Variants in LIN7B observed in about 807,000 individuals in gnomAD.
LIN7B encodes the protein lin-7 cell polarity scaffold B, also known as protein lin-7 homolog B.
A neutral mutation model predicts 27.9 loss-of-function variants in LIN7B; 16 were observed. The ratio of observed to expected loss-of-function variants is 0.57; its 90% confidence interval spans 0.39 to 0.87. LIN7B has a LOEUF of 0.87. Among genes scored for constraint, LIN7B ranks in the 40% least tolerant of loss-of-function variants. The probability of loss-of-function intolerance (pLI) is 0.00; values close to 1 mark genes in which losing one functional copy is unlikely to be tolerated. For missense variants in LIN7B, 291 were observed against 288.5 expected, an observed-to-expected ratio of 1.01 and a Z score of -0.06; for synonymous variants, 147 against 120.8, an observed-to-expected ratio of 1.22 and a Z score of -1.42.
chr19:49,114,974 G>T lies in LIN7B; in HGVS notation c.156+7G>T, dbSNP rs768298856. ...CTGCTCCGCTATCCGAGAGGTGAGG[G>T]GCGCGCGGCGCAGGGGCGCGAGCTG... On this transcript the variant is annotated splice_region_variant and intron_variant, in intron 2 of 5. Coordinates refer to ENST00000221459, the MANE Select transcript of LIN7B (RefSeq NM_022165.3). 2.8e-6 allele frequency: 4 copies of T among 1,411,396 alleles called. No homozygotes were observed. Among genetic ancestry groups the T allele is most frequent in the Non-Finnish European group, 3.7e-6 (4 of 1,080,206 alleles). 87.4% of individuals were successfully genotyped at this position (1,411,396 alleles called of 1,614,324 possible).
chr19:49,114,718 G>T (rs934830776), intron 1 of LIN7B, 131 bp from the exon 2 acceptor site: 2 of 515,910 alleles, frequency 3.9e-6, no homozygotes, highest in Non-Finnish European at 6.4e-6. Context: ...TGGACTCTGC[G>T]GGGTGTCCGA....
rs576674496 is a variant in LIN7B at position 49,118,180 on chromosome 19, C to A, written c.602+162C>A. The A allele has an allele frequency of 5.1e-6, 7 of 1,359,576 alleles. No individual in the cohort carries two copies. The East Asian group carries it at 1.6e-4, about 31-fold the overall frequency. 84.2% of individuals were successfully genotyped at this position (1,359,576 alleles called of 1,614,324 possible). On this transcript the variant is annotated intron_variant, in intron 5 of 5. Coordinates refer to ENST00000221459, the MANE Select transcript of LIN7B (RefSeq NM_022165.3). ...AGGCTCTCACCCCAGGCTAGTTTGG[C>A]CAAATCCCCTGGGGAGCCCTTAGCT...
intron 4 of LIN7B, 56 bp downstream of exon 4, chr19:49,116,528 C>T (rs1048162823): frequency 3.0e-5 from 45 of 1,490,028 alleles, no homozygotes; most frequent in Non-Finnish European, 3.9e-5. Flanking sequence ...CGTAGCATAG[C>T]CCCTGCTTTT....
At position 49,116,423 on chromosome 19, in the gene LIN7B, G is replaced by A. The variant is rs756735641; in HGVS notation, c.389G>A (p.Arg130His). Residue 130 changes from arginine to histidine, a missense_variant, in exon 4 of 6, where the codon CGC becomes CAC. Physicochemically the swap from Arg to His is conservative, Grantham distance 29. Coordinates refer to ENST00000221459, the MANE Select transcript of LIN7B (RefSeq NM_022165.3). ...SRVIPGGVAD[R>H]HGGLKRGDQL... ...GTCATCCCAGGGGGTGTGGCTGACC[G>A]CCATGGAGGCCTCAAGCGTGGGGAT... 43 of 1,614,120 alleles carry A rather than the reference G, an allele frequency of 2.7e-5. No homozygotes were observed. In the East Asian group the frequency reaches 6.7e-4, roughly 25 times the overall value.
In LIN7B at chr19:49,117,939, C is replaced by G; in HGVS notation, c.523C>G (p.Pro175Ala). 1 of 1,614,110 alleles carries G rather than the reference C, an allele frequency of 6.2e-7. No homozygotes were observed. Among genetic ancestry groups the G allele is most frequent in the Non-Finnish European group, 8.5e-7 (1 of 1,179,980 alleles). Residue 175 changes from proline (P) to alanine (A), a missense_variant, in exon 5 of 6, where the codon CCG becomes GCG. By Grantham distance (27) the Pro-to-Ala change is conservative. Coordinates refer to ENST00000221459, the MANE Select transcript of LIN7B (RefSeq NM_022165.3). ...GGTGAAGCTGGTTGTCCGTTACACA[C>G]CGCGAGTGCTGGAGGAGATGGAGGC... ...GSVKLVVRYT[P>A]RVLEEMEARF...
chr19:49,116,027 A>G, intron 3 of LIN7B: 2 of 443,244 alleles, frequency 4.5e-6, no homozygotes. Flanking sequence ...AAAAAAAAGT[A>G]AGATTGGCAA....
In LIN7B at chr19:49,114,419, G is replaced by A. The variant is rs2040787981; in HGVS notation, c.15G>A (p.Val5=). 3 of 1,205,224 alleles carry A rather than the reference G, an allele frequency of 2.5e-6. No individual in the cohort carries two copies. The highest frequency in any genetic ancestry group is 4.1e-5 in the South Asian group (1 of 24,146). 74.7% of individuals were successfully genotyped at this position (1,205,224 alleles called of 1,614,324 possible). A position where few individuals can be genotyped will look rare whatever the true frequency, so the allele number is the denominator to read the frequency against. The change falls in exon 1 of 6, where the codon GTG becomes GTA. Residue 5 remains valine (V), a synonymous_variant. Coordinates refer to ENST00000221459, the MANE Select transcript of LIN7B (RefSeq NM_022165.3). ...GTGGCGCCGACATGGCTGCGCTGGT[G>A]GAGCCGCTGGGGCTGGAGCGGGGTA... MAAL[V]EPLGLERDVS... is the part of the protein sequence containing the mutation.
At chr19:49,118,313 C>T (rs760931965) in intron 5 of LIN7B, 39 bp from the exon 6 acceptor site, 43 of 1,612,088 alleles carry the variant, frequency 2.7e-5, no homozygotes, top group Non-Finnish European at 3.3e-5. Context: ...CTACCCGGAG[C>T]CTCCCTGATC....
chr19:49,116,389 A>G lies in LIN7B; in HGVS notation c.355A>G (p.Ile119Val). ...GGKEQNSPIY[I>V]SRVIPGGVAD... ...CAAAGAGCAAAACTCGCCCATCTAC[A>G]TCTCCCGGGTCATCCCAGGGGGTGT... The change falls in exon 4 of 6, where the codon ATC becomes GTC. Residue 119 changes from isoleucine (I) to valine (V), a missense_variant. By Grantham distance (29) the Ile-to-Val change is conservative. Transcript: ENST00000221459. The G allele has an allele frequency of 6.2e-7, 1 of 1,614,218 alleles. No individual in the cohort carries two copies. Among genetic ancestry groups the G allele is most frequent in the Non-Finnish European group, 8.5e-7 (1 of 1,180,032 alleles).
At chr19:49,117,116 G>A (rs2040838243) in intron 4 of LIN7B, among the ~76,000 whole-genome samples, 1 of 151,834 alleles carries the variant, frequency 6.6e-6, no homozygotes, top group African/African-American at 2.4e-5. Context: ...TGTGGTGGCA[G>A]GCACCTGTAA....
At chr19:49,117,410 C>G (rs1005761637) in intron 4 of LIN7B, among the ~76,000 whole-genome samples, 4 of 152,028 alleles carry the variant, frequency 2.6e-5, no homozygotes, top group Admixed American at 1.3e-4. Context: ...CAGGGATAAA[C>G]TCAGCTTGCA....
chr19:49,114,502 T>G (rs1374614865), intron 1 of LIN7B, 61 bp downstream of exon 1: 1 of 1,148,262 alleles, frequency 8.7e-7, no homozygotes, highest in African/African-American at 1.6e-5. Context: ...CAGCCCCCGG[T>G]CCCCGCCCTT....
chr19:49,116,379 G>A lies in LIN7B; in HGVS notation c.345G>A (p.Ser115=), dbSNP rs552610098. The A allele has an allele frequency of 9.9e-6, 16 of 1,614,208 alleles. No individual in the cohort carries two copies. Among genetic ancestry groups the A allele is most frequent in the South Asian group, 3.3e-5 (3 of 91,086 alleles). ...TCATGGGTGGCAAAGAGCAAAACTC[G>A]CCCATCTACATCTCCCGGGTCATCC... is the stretch of plus-strand genomic sequence containing the variant. ...FNIMGGKEQN[S]PIYISRVIPG... Residue 115 remains serine (S), a synonymous_variant, in exon 4 of 6, where the codon TCG becomes TCA. Transcript: ENST00000221459.
At chr19:49,114,819 G>T in intron 1 of LIN7B, 30 bp from the exon 2 acceptor site, 1 of 1,307,528 alleles carries the variant, frequency 7.6e-7, no homozygotes, top group East Asian at 2.8e-5. Flanking sequence ...CTGACACTCG[G>T]GGTTTCTGCG....
intron 1 of LIN7B, 109 bp from the exon 2 acceptor site, chr19:49,114,740 C>T: frequency 1.0e-5 from 6 of 587,700 alleles, no homozygotes; most frequent in Admixed American, 4.3e-5. Context: ...TAGGCTTCGG[C>T]CGTCCTCCCC....
chr19:49,117,722 C>G, intron 4 of LIN7B, 133 bp from the exon 5 acceptor site: 1 of 736,938 alleles, frequency 1.4e-6, no homozygotes. Flanking sequence ...GTTAATGACT[C>G]CCACGAGGAG....
In LIN7B at chr19:49,116,522, G is replaced by C. The variant is rs144348142; in HGVS notation, c.438+50G>C. Reference sequence around the variant, plus strand: ...TGGGGGACACAGTCTGTCTAACGTAGCATAGCCCCTGCTTTTGACATTCAC... The same window carrying C: ...TGGGGGACACAGTCTGTCTAACGTACCATAGCCCCTGCTTTTGACATTCAC... On this transcript the variant is annotated intron_variant, in intron 4 of 5. Transcript: ENST00000221459. The C allele has an allele frequency of 6.4e-3, 9,656 of 1,512,154 alleles. 42 individuals are homozygous for C. Among genetic ancestry groups the C allele is most frequent in the Non-Finnish European group, 8.1e-3 (8,883 of 1,096,698 alleles). The allele number at this position is 1,512,154 out of a possible 1,614,324, so 93.7% of individuals were successfully genotyped here. A position where few individuals can be genotyped will look rare whatever the true frequency, so the allele number is the denominator to read the frequency against.
chr19:49,117,930 C>T lies in LIN7B; in HGVS notation c.514C>T (p.Arg172Cys), dbSNP rs762736305. The change falls in exon 5 of 6, where the codon CGT becomes TGT. Residue 172 changes from arginine (R) to cysteine (C), a missense_variant. Physicochemically the swap from Arg to Cys is radical, Grantham distance 180 (BLOSUM62 -3). Transcript: ENST00000221459. ...CCAGGGCTCGGTGAAGCTGGTTGTC[C>T]GTTACACACCGCGAGTGCTGGAGGA... ...AAQGSVKLVV[R>C]YTPRVLEEME... The T allele has an allele frequency of 1.9e-6, 3 of 1,614,088 alleles. No individual in the cohort carries two copies. Among genetic ancestry groups the T allele is most frequent in the South Asian group, 2.2e-5 (2 of 91,084 alleles).
intron 5 of LIN7B, 38 bp downstream of exon 5, chr19:49,118,056 G>A (rs371121703): frequency 1.9e-6 from 3 of 1,609,622 alleles, no homozygotes; most frequent in South Asian, 1.1e-5. Context: ...GGGCCTCCAC[G>A]GGCTCCCTTT....
Sources: allele counts gnomAD v4.1 joint callset (sites outside exome capture counted in the v4.1 genomes callset), GRCh38; gene constraint gnomAD v4.1.1; transcripts MANE v1.5; gene names NCBI Gene and HGNC (gene_info 2026-07-23, HGNC 2026-07-21).